The following MED17 variants were observed in gnomAD, a reference collection of about 807,000 sequenced individuals.
The protein encoded by MED17 is mediator of RNA polymerase II transcription subunit 17.
Under a neutral mutation model 80.8 loss-of-function variants are expected in MED17, and 49 were observed. That is an observed-to-expected ratio of 0.61 (90% confidence interval 0.48 to 0.77). MED17 has a LOEUF of 0.77. MED17 is among the 30% of genes least tolerant of loss of function. The probability of loss-of-function intolerance (pLI) is 0.00; values close to 1 mark genes in which losing one functional copy is unlikely to be tolerated. For missense variants in MED17, 718 were observed against 787.0 expected (o/e 0.91, Z 1.05); for synonymous variants, 281 against 280.4 (o/e 1.00, Z -0.02).
In MED17 at chr11:93,814,160, C is replaced by T. The variant is rs1010378396; in HGVS notation, c.*2096C>T. The T allele has an allele frequency of 2.0e-5, 3 of 152,160 alleles. No individual in the cohort carries two copies. The highest frequency in any genetic ancestry group is 2.9e-5 in the Non-Finnish European group (2 of 68,024). The allele number at this position is 152,160 out of a possible 1,614,324, so 9.4% of individuals were successfully genotyped here. ...TACTACCGTCTGTTCTTTTAAACCCCATCTGAGTAGAGTGGGATAACTGAA... is the reference window on the plus strand; with the variant it reads ...TACTACCGTCTGTTCTTTTAAACCCTATCTGAGTAGAGTGGGATAACTGAA... On this transcript the variant is annotated 3_prime_UTR_variant, in exon 12 of 12. Coordinates refer to ENST00000251871, the MANE Select transcript of MED17 (RefSeq NM_004268.5).
chr11:93,800,644 A>G (rs964799314), intron 8 of MED17: 1 of 152,274 alleles, frequency 6.6e-6, no homozygotes, highest in East Asian at 1.9e-4. Flanking sequence ...AAAAAAAAAA[A>G]AAAATTTGAG....
chr11:93,804,024 T>TATATATAC (rs1565293306), intron 9 of MED17, among the ~76,000 whole-genome samples: 4 of 12,396 alleles, frequency 3.2e-4, no homozygotes, highest in African/African-American at 4.5e-4. Flanking sequence ...TATATATATA[T>TATATATAC]ATACACACAC....
rs143760933 is a variant in MED17 at position 93,812,042 on chromosome 11, C to A, written c.1934C>A (p.Ala645Glu). 1 of 1,613,934 alleles carries A rather than the reference C, an allele frequency of 6.2e-7. No individual in the cohort carries two copies. The highest frequency in any genetic ancestry group is 8.5e-7 in the Non-Finnish European group (1 of 1,179,954). The change falls in exon 12 of 12, where the codon GCA becomes GAA. Residue 645 changes from alanine to glutamate, a missense_variant. Ala to Glu is a moderately radical substitution (Grantham distance 107). Transcript: ENST00000251871. ...TATAAAATGGAGCTGCTTATGTCTGCACTTAGCCCTTGTCTACTATGATTT... is the reference window on the plus strand; with the variant it reads ...TATAAAATGGAGCTGCTTATGTCTGAACTTAGCCCTTGTCTACTATGATTT... ...FVYKMELLMS[A>E]LSPCLL
In MED17 at chr11:93,790,797, TG is replaced by T. The variant is rs1480964831; in HGVS notation, c.637+5del. ...GATCTGAGCTACAGAAGTGCAGGTA[TG>T]AATAATTATTAAAAACTATACTTTC... On this transcript the variant is annotated splice_donor_5th_base_variant and intron_variant, in intron 3 of 11. Transcript: ENST00000251871. 6.2e-7 allele frequency: 1 copy of T among 1,612,208 alleles called. No homozygotes were observed. The highest frequency in any genetic ancestry group is 8.5e-7 in the Non-Finnish European group (1 of 1,178,366).
intron 8 of MED17, 121 bp from the exon 9 acceptor site, chr11:93,801,714 A>C: frequency 1.1e-6 from 1 of 896,446 alleles, no homozygotes; most frequent in Middle Eastern, 3.3e-4. Flanking sequence ...GTCTGCCTAC[A>C]CATAGTGGTA....
At chr11:93,796,144 G>T (rs1295396881) in intron 6 of MED17, 1 of 393,562 alleles carries the variant, frequency 2.5e-6, no homozygotes, top group East Asian at 6.0e-5. Flanking sequence ...GTAGAGATGG[G>T]GTTTCACTAT....
Position 93,784,732 on chromosome 11 carries a change from C to G in MED17, c.219C>G (p.Ala73=). 2 of 1,543,226 alleles carry G rather than the reference C, an allele frequency of 1.3e-6. No homozygotes were observed. The highest frequency in any genetic ancestry group is 1.7e-6 in the Non-Finnish European group (2 of 1,148,210). Residue 73 remains alanine, a synonymous_variant, in exon 1 of 12, where the codon GCC becomes GCG. Transcript: ENST00000251871. ...TEGDAQEWPG[A]GSSADQDDEE... is the part of the protein sequence containing the mutation. ...GCGACGCGCAGGAGTGGCCGGGCGC[C>G]GGGTCCAGCGCAGACCAGGACGACG...
intron 10 of MED17, 33 bp from the exon 11 acceptor site, chr11:93,809,684 G>C (rs1178984249): frequency 1.2e-6 from 2 of 1,613,230 alleles, no homozygotes; most frequent in African/African-American, 2.7e-5. Context: ...TATCTCTGCT[G>C]ACTGTCAGTC....
At chr11:93,795,733 G>A (rs1943892455) in intron 6 of MED17, 1 of 153,610 alleles carries the variant, frequency 6.5e-6, no homozygotes, top group Non-Finnish European at 1.4e-5. Flanking sequence ...GTAGGTTTTA[G>A]TGGTGAGAAA....
At chr11:93,799,068 G>C (rs1325871873) in intron 8 of MED17, among the ~76,000 whole-genome samples, 1 of 152,142 alleles carries the variant, frequency 6.6e-6, no homozygotes, top group African/African-American at 2.4e-5. Context: ...GGGCATGGTG[G>C]CTCACCCCTG....
intron 10 of MED17, chr11:93,809,396 G>A: frequency 2.6e-6 from 1 of 390,806 alleles, no homozygotes; most frequent in Non-Finnish European, 4.9e-6. Flanking sequence ...AAGGTAGGCA[G>A]TGGATTTGAA....
rs116823053 is a variant in MED17, at chr11:93,801,716, A to G, written c.1329-119A>G. On this transcript the variant is annotated intron_variant, in intron 8 of 11. Transcript: ENST00000251871. ...GCCTTTATTTAAAGTCTGCCTACAC[A>G]TAGTGGTAGTTTAAAAAAGTAGTTA... is the stretch of plus-strand genomic sequence containing the variant. 3.6e-3 allele frequency: 3,280 copies of G among 914,214 alleles called. 67 individuals are homozygous for G. In the African/African-American group the frequency reaches 0.047, roughly 13 times the overall value. The allele number at this position is 914,214 out of a possible 1,614,324, so 56.6% of individuals were successfully genotyped here. A position where few individuals can be genotyped will look rare whatever the true frequency, so the allele number is the denominator to read the frequency against.
At chr11:93,797,401 T>C in intron 7 of MED17, 134 bp from the exon 8 acceptor site, 1 of 833,964 alleles carries the variant, frequency 1.2e-6, no homozygotes. Flanking sequence ...CTAGCATTTT[T>C]CTCCAAGGTT....
chr11:93,784,950 C>A (rs1943753377), intron 1 of MED17, 187 bp downstream of exon 1: 5 of 790,046 alleles, frequency 6.3e-6, no homozygotes, highest in Non-Finnish European at 9.8e-6. Context: ...CACGACTTTA[C>A]GTAATACTCC....
rs1943873371 is a variant in MED17, at chr11:93,794,054, C to T, written c.859+19C>T. 6.3e-7 allele frequency: 1 copy of T among 1,576,288 alleles called. No individual in the cohort carries two copies. Among genetic ancestry groups the T allele is most frequent in the Non-Finnish European group, 8.7e-7 (1 of 1,146,006 alleles). On this transcript the variant is annotated intron_variant, in intron 5 of 11. Coordinates refer to ENST00000251871, the MANE Select transcript of MED17 (RefSeq NM_004268.5). ...AAACCAGGTATGGTTATGTTCTATT[C>T]TCTAATTTCTGGTCTTATTTGAGCT...
intron 10 of MED17, chr11:93,809,489 TGCCAGTG>T: frequency 1.7e-6 from 1 of 583,378 alleles, no homozygotes; most frequent in Non-Finnish European, 3.1e-6. Flanking sequence ...TTGCTTAAGC[TGCCAGTG>T]GGCAGGAGAA....
chr11:93,802,036 AATTAT>A (rs1189605134), intron 9 of MED17, 64 bp downstream of exon 9: 48 of 1,451,578 alleles, frequency 3.3e-5, no homozygotes, highest in Non-Finnish European at 4.5e-5. Flanking sequence ...TTTGCTGAGT[AATTAT>A]ATTAAGCATT....
chr11:93,810,170 T>A lies in MED17; in HGVS notation c.1744+294T>A, dbSNP rs1035385356. The A allele has an allele frequency of 4.5e-5, 17 of 381,532 alleles. No homozygotes were observed. The East Asian group carries it at 8.7e-4, about 19-fold the overall frequency. 23.6% of individuals were successfully genotyped at this position (381,532 alleles called of 1,614,324 possible). ...CCCAAAGTTTAATGGATAAAAACTT[T>A]AAAAAAAATATATACTGCTGTAAAC... On this transcript the variant is annotated intron_variant, in intron 11 of 11. Transcript: ENST00000251871.
chr11:93,785,091 C>T (rs1384319281), intron 1 of MED17, among the ~76,000 whole-genome samples: 1 of 152,264 alleles, frequency 6.6e-6, no homozygotes, highest in Non-Finnish European at 1.5e-5. Flanking sequence ...CGGGGCTCTG[C>T]CCCTTGCCGG....
Sources: allele counts gnomAD v4.1 joint callset (sites outside exome capture counted in the v4.1 genomes callset), GRCh38; gene constraint gnomAD v4.1.1; transcripts MANE v1.5; gene names NCBI Gene and HGNC (gene_info 2026-07-23, HGNC 2026-07-21).